The following COL22A1 variants were observed in gnomAD, a reference collection of about 807,000 sequenced individuals.
The protein encoded by COL22A1 is collagen type XXII alpha 1 chain, also known as collagen alpha-1(XXII) chain.
In COL22A1, 221 loss-of-function variants were observed where a neutral mutation model predicts 248.9. That is an observed-to-expected ratio of 0.89 (90% CI 0.80 to 0.99). COL22A1 has a LOEUF of 0.99. COL22A1 is among the 50% of genes least tolerant of loss of function. The pLI is 0.00. For synonymous variants in COL22A1, 891 were observed against 793.4 expected (o/e 1.12, Z -2.07); for missense variants, 2,240 against 2,179.0 (o/e 1.03, Z -0.56).
chr8:138,692,582 CAGG>C (rs1827183101), intron 35 of COL22A1, among the ~76,000 whole-genome samples: 2 of 151,618 alleles, frequency 1.3e-5, no homozygotes, highest in Admixed American at 1.3e-4. Context: ...TGATCCATGA[CAGG>C]AGATGTGGGT....
Position 138,737,536 on chromosome 8 carries a change from C to T in COL22A1, c.2127G>A (p.Leu709=). 2 of 1,610,122 alleles carry T rather than the reference C, an allele frequency of 1.2e-6. 1 individual carries two copies. Among genetic ancestry groups the T allele is most frequent in the Middle Eastern group, 3.3e-4 (2 of 6,052 alleles). Reference sequence around the variant, plus strand: ...AAAAGGTAGTTACCTGCAGCCCCAGCAATCCAGGGATTCCAGGTGGTCCCA... The same window carrying T: ...AAAAGGTAGTTACCTGCAGCCCCAGTAATCCAGGGATTCCAGGTGGTCCCA... The part of the protein sequence containing the change: ...GDMGPPGIPG[L]LGLQGPPGPP... The change falls in exon 23 of 65, where the codon TTG becomes TTA. Residue 709 remains leucine (L), a synonymous_variant. Coordinates refer to ENST00000303045, the MANE Select transcript of COL22A1 (RefSeq NM_152888.3).
Position 138,597,070 on chromosome 8 carries a change from T to C in COL22A1, c.4366-100A>G, listed in dbSNP as rs140199407. On this transcript the variant is annotated intron_variant, in intron 61 of 64. Transcript: ENST00000303045. ...AACCAGGAAGTTCGTAGGTGGTATATACCCACACAGGGAAGCACATGTTCC... is the reference window on the plus strand; with the variant it reads ...AACCAGGAAGTTCGTAGGTGGTATACACCCACACAGGGAAGCACATGTTCC... 3.0e-5 allele frequency: 26 copies of C among 875,946 alleles called. No homozygotes were observed. In the East Asian group the frequency reaches 5.6e-4, roughly 19 times the overall value. 54.3% of individuals were successfully genotyped at this position (875,946 alleles called of 1,614,324 possible).
chr8:138,724,549 C>CA (rs1206575531), intron 25 of COL22A1, 66 bp downstream of exon 25: 1 of 1,505,290 alleles, frequency 6.6e-7, no homozygotes, highest in Non-Finnish European at 9.2e-7. Flanking sequence ...TGCAAGGGCT[C>CA]AGTGCTCCCC....
At chr8:138,760,130 G>T (rs1024194932) in intron 18 of COL22A1, 113 bp downstream of exon 18, 1 of 722,738 alleles carries the variant, frequency 1.4e-6, no homozygotes, top group South Asian at 2.6e-5. Flanking sequence ...TGTGTGCTTT[G>T]TTCCCAGAGT....
At chr8:138,866,623 T>TA (rs2131985635) in intron 3 of COL22A1, among the ~76,000 whole-genome samples, 2 of 152,322 alleles carry the variant, frequency 1.3e-5, no homozygotes, top group African/African-American at 4.8e-5. Flanking sequence ...ATCACACCTA[T>TA]ATGCTGCAGT....
chr8:138,778,404 C>A lies in COL22A1; in HGVS notation c.1707G>T (p.Gly569=), dbSNP rs762194846. 10 of 1,599,870 alleles carry A rather than the reference C, an allele frequency of 6.3e-6. No individual in the cohort carries two copies. ...CGGGGAGTCCAGGTGGTCCTTGGGG[C>A]CCCTGCAGAAGAGCATTTACAGAGT... The part of the protein sequence containing the change: ...PGLPGEVGMR[G]PQGPPGLPGP... Residue 569 remains glycine, a splice_region_variant and synonymous_variant, in exon 15 of 65, where the codon GGG becomes GGT. Coordinates refer to ENST00000303045, the MANE Select transcript of COL22A1 (RefSeq NM_152888.3).
intron 58 of COL22A1, 109 bp downstream of exon 58, chr8:138,606,272 G>T: frequency 3.0e-6 from 3 of 1,010,712 alleles, no homozygotes; most frequent in South Asian, 1.5e-5. Flanking sequence ...GGTCATCATG[G>T]CCTGAGCAGA....
chr8:138,819,001 T>C (rs1389781360), intron 7 of COL22A1, among the ~76,000 whole-genome samples: 1 of 152,094 alleles, frequency 6.6e-6, no homozygotes, highest in Non-Finnish European at 1.5e-5. Context: ...GAGCTGCAGT[T>C]TGCACGTGTC....
chr8:138,652,232 T>C (rs770749045), intron 45 of COL22A1, among the ~76,000 whole-genome samples: 1 of 152,242 alleles, frequency 6.6e-6, no homozygotes, highest in African/African-American at 2.4e-5. Context: ...CAAATGGGCT[T>C]GCCCATACGC....
chr8:138,600,621 G>A (rs562364557), intron 60 of COL22A1, among the ~76,000 whole-genome samples: 52 of 152,294 alleles, frequency 3.4e-4, no homozygotes, highest in Non-Finnish European at 1.9e-4. Flanking sequence ...GGGTGAGATG[G>A]AAGGGGCACA....
At chr8:138,735,793 A>G (rs1035504304) in intron 23 of COL22A1, among the ~76,000 whole-genome samples, 2 of 152,242 alleles carry the variant, frequency 1.3e-5, no homozygotes, top group African/African-American at 4.8e-5. Flanking sequence ...CCAAGGTGCC[A>G]TCTTTCACTA....
rs776354080 is a variant in COL22A1 at position 138,663,752 on chromosome 8, C to T, written c.3151-12G>A. On this transcript the variant is annotated splice_polypyrimidine_tract_variant and intron_variant, in intron 41 of 64. Transcript: ENST00000303045. ...GGTCCGGAAGGGCCCTAGAAACAAA[C>T]AAACAAGTATGTAAGCAAAGTAGAA... 2.5e-5 allele frequency: 40 copies of T among 1,606,176 alleles called. No homozygotes were observed. In the Admixed American group the frequency reaches 6.5e-4, roughly 26 times the overall value.
rs547054654 is a variant in COL22A1 at position 138,664,487 on chromosome 8, A to G, written c.3151-747T>C. Among the ~76,000 whole-genome samples, 3 of 152,112 alleles carry G rather than the reference A, an allele frequency of 2.0e-5. No homozygotes were observed. The South Asian group carries it at 6.2e-4, about 32-fold the overall frequency. ...CTGTCCTGCCTTTCTGCCTGGAAAC[A>G]TTCTTGTCACACTCTGGTTCTCCTT... On this transcript the variant is annotated intron_variant, in intron 41 of 64. Coordinates refer to ENST00000303045, the MANE Select transcript of COL22A1 (RefSeq NM_152888.3).
intron 56 of COL22A1, among the ~76,000 whole-genome samples, chr8:138,612,418 A>C (rs1345998172): frequency 1.3e-5 from 2 of 152,158 alleles, no homozygotes; most frequent in Non-Finnish European, 2.9e-5. Context: ...GCCTCTGTGC[A>C]CAAACAGGCA....
chr8:138,881,510 C>A (rs1824207186), intron 2 of COL22A1, among the ~76,000 whole-genome samples: 1 of 152,008 alleles, frequency 6.6e-6, no homozygotes, highest in Non-Finnish European at 1.5e-5. Context: ...ACGGTGAAAC[C>A]CCGTCTCTAC....
chr8:138,897,571 AAT>A (rs1814211101), intron 1 of COL22A1, among the ~76,000 whole-genome samples: 1 of 151,984 alleles, frequency 6.6e-6, no homozygotes, highest in East Asian at 1.9e-4. Context: ...TAATAATAAT[AAT>A]AAGTAACTTA....
chr8:138,735,932 G>T (rs1021789181), intron 23 of COL22A1, among the ~76,000 whole-genome samples: 1 of 152,158 alleles, frequency 6.6e-6, no homozygotes, highest in Non-Finnish European at 1.5e-5. Flanking sequence ...ATCTGGTGTG[G>T]AGGTGGGGCT....
chr8:138,626,236 T>C lies in COL22A1; in HGVS notation c.3671A>G (p.Glu1224Gly). Residue 1224 changes from glutamate (E) to glycine (G), a missense_variant, in exon 51 of 65, where the codon GAA becomes GGA. Physicochemically the swap from Glu to Gly is moderately conservative, Grantham distance 98. Transcript: ENST00000303045. ...TGGGCCTTGGGGGCCAGGAGGGCCT[T>C]CTTTCCCCTAAAAGATCCAAGACAT... ...PPGIQGSPGK[E>G]GPPGPQGPSG... 6.2e-7 allele frequency: 1 copy of C among 1,608,962 alleles called. No homozygotes were observed. Among genetic ancestry groups the C allele is most frequent in the Non-Finnish European group, 8.5e-7 (1 of 1,178,076 alleles).
intron 16 of COL22A1, among the ~76,000 whole-genome samples, chr8:138,771,440 C>T (rs1834359156): frequency 6.6e-6 from 1 of 152,204 alleles, no homozygotes. Flanking sequence ...TCAGTTTCCC[C>T]CGCTTCACAA....
Sources: allele counts gnomAD v4.1 joint callset (sites outside exome capture counted in the v4.1 genomes callset), GRCh38; gene constraint gnomAD v4.1.1; transcripts MANE v1.5; gene names NCBI Gene and HGNC (gene_info 2026-07-23, HGNC 2026-07-21).